The following DLGAP2 variants were observed in gnomAD, a reference collection of about 807,000 sequenced individuals.
DLGAP2 encodes the protein disks large-associated protein 2.
Under a neutral mutation model 100.3 loss-of-function variants are expected in DLGAP2, and 26 were observed. That is an observed-to-expected ratio of 0.26 (90% CI 0.19 to 0.36). DLGAP2 has a LOEUF of 0.36. Ranked by LOEUF, DLGAP2 falls within the 10% of genes least tolerant of loss-of-function variation. DLGAP2 has a pLI of 1.00. For missense variants in DLGAP2, 1,858 were observed against 1,453.2 expected (o/e 1.28, Z -4.53); for synonymous variants, 886 against 630.1 (o/e 1.41, Z -6.08).
rs1276960963 is a variant in DLGAP2, at chr8:1,678,316, T to G, written c.2391T>G (p.Leu797=). The G allele has an allele frequency of 7.4e-6, 12 of 1,613,922 alleles. No homozygotes were observed. Among genetic ancestry groups the G allele is most frequent in the Non-Finnish European group, 1.0e-5 (12 of 1,179,874 alleles). Residue 797 remains leucine, a synonymous_variant, in exon 12 of 15, where the codon CTT becomes CTG. Coordinates refer to ENST00000637795, the MANE Select transcript of DLGAP2 (RefSeq NM_001346810.2). ...ACATCACCACGGAGGACAAAGGCCT[T>G]CAGTTCGGCTCATCCTTCCAGCGGC... ...PGHITTEDKG[L]QFGSSFQRHS...
intron 2 of DLGAP2, among the ~76,000 whole-genome samples, chr8:1,242,151 A>G (rs556118771): frequency 6.6e-6 from 1 of 152,346 alleles, no homozygotes; most frequent in African/African-American, 2.4e-5. Context: ...TAAACAACAG[A>G]ACATTAATTA....
intron 3 of DLGAP2, among the ~76,000 whole-genome samples, chr8:1,287,884 TGTG>T (rs1799976300): frequency 8.5e-6 from 1 of 118,178 alleles, no homozygotes; most frequent in African/African-American, 3.6e-5. Flanking sequence ...TGGTTCAGCA[TGTG>T]TGTGTGTGTG....
chr8:1,348,407 T>A (rs1448129949), intron 3 of DLGAP2, among the ~76,000 whole-genome samples: 1 of 140,028 alleles, frequency 7.1e-6, no homozygotes, highest in Non-Finnish European at 1.5e-5. Context: ...GCTGCGCTGC[T>A]CTCATGGTAA....
intron 3 of DLGAP2, among the ~76,000 whole-genome samples, chr8:1,440,330 G>A (rs1019080430): frequency 2.0e-5 from 3 of 152,146 alleles, no homozygotes; most frequent in African/African-American, 4.8e-5. Context: ...GACTCACGTG[G>A]GAAATGGAGT....
chr8:1,591,064 G>A (rs1445341555), intron 6 of DLGAP2, among the ~76,000 whole-genome samples: 1 of 152,180 alleles, frequency 6.6e-6, no homozygotes, highest in Admixed American at 6.5e-5. Flanking sequence ...CCGTGCTCGG[G>A]ACCCAACCCC....
intron 2 of DLGAP2, among the ~76,000 whole-genome samples, chr8:1,139,327 C>G (rs1334524618): frequency 2.0e-5 from 3 of 152,234 alleles, no homozygotes; most frequent in Non-Finnish European, 2.9e-5. Flanking sequence ...TGCAGGGATG[C>G]AATACCATAG....
chr8:1,021,948 C>T (rs1293111585), intron 2 of DLGAP2, among the ~76,000 whole-genome samples: 2 of 152,130 alleles, frequency 1.3e-5, no homozygotes, highest in Admixed American at 1.3e-4. Flanking sequence ...ATGTTAGCGC[C>T]AGTATTAGGA....
chr8:1,266,783 C>T (rs752200260), intron 3 of DLGAP2, among the ~76,000 whole-genome samples: 2 of 151,978 alleles, frequency 1.3e-5, no homozygotes, highest in Non-Finnish European at 2.9e-5. Flanking sequence ...GTTTTATGAA[C>T]AAAGAGAAAG....
intron 3 of DLGAP2, among the ~76,000 whole-genome samples, chr8:1,360,122 A>G (rs1312177582): frequency 6.6e-6 from 1 of 151,132 alleles, no homozygotes; most frequent in Non-Finnish European, 1.5e-5. Flanking sequence ...AGCGGGTTGC[A>G]GGGACTTGCC....
intron 2 of DLGAP2, among the ~76,000 whole-genome samples, chr8:1,205,867 G>T (rs1797978580): frequency 6.6e-6 from 1 of 152,152 alleles, no homozygotes; most frequent in African/African-American, 2.4e-5. Context: ...CAAAAATAAA[G>T]GGCAGCCAAG....
intron 2 of DLGAP2, among the ~76,000 whole-genome samples, chr8:1,028,407 G>T (rs1033760196): frequency 6.8e-6 from 1 of 147,270 alleles, no homozygotes; most frequent in Non-Finnish European, 1.5e-5. Context: ...GGTGTCAGGC[G>T]CCCCTTATTC....
rs1343435124 is a variant in DLGAP2 at position 1,491,354 on chromosome 8, CGCTCCCCCTGACCCCGGAGGCTTCGGGCT to C, written c.107-9998_107-9970del. 9.9e-5 allele frequency among the ~76,000 whole-genome samples: 15 copies of C among 152,212 alleles called. No individual in the cohort carries two copies. In the East Asian group the frequency reaches 2.7e-3, roughly 27 times the overall value. On this transcript the variant is annotated intron_variant, in intron 3 of 14. Transcript: ENST00000637795. ...GCTCCTGACCCCGGAGGCTTCGGGC[CGCTCCCCCTGACCCCGGAGGCTTCGGGCT>C]GCTCCCCCTGACCTCGGAGGCTTCC...
intron 2 of DLGAP2, among the ~76,000 whole-genome samples, chr8:962,385 G>C (rs980598647): frequency 1.3e-5 from 2 of 152,190 alleles, no homozygotes; most frequent in Non-Finnish European, 2.9e-5. Flanking sequence ...TGTTCTGCCT[G>C]ATCTTGGGTC....
At chr8:1,364,060 C>G (rs1238336399) in intron 3 of DLGAP2, among the ~76,000 whole-genome samples, 1 of 152,216 alleles carries the variant, frequency 6.6e-6, no homozygotes, top group Non-Finnish European at 1.5e-5. Flanking sequence ...GTCTTCCTCA[C>G]TCCTGCCGCC....
intron 1 of DLGAP2, among the ~76,000 whole-genome samples, chr8:807,612 T>C (rs9314631): frequency 0.06 from 6,125 of 101,526 alleles, 244 homozygotes; most frequent in African/African-American, 0.11. Flanking sequence ...CTCATTCATA[T>C]GTTCTCTCTC....
At chr8:1,260,367 T>C (rs1286549283) in intron 3 of DLGAP2, among the ~76,000 whole-genome samples, 2 of 152,042 alleles carry the variant, frequency 1.3e-5, no homozygotes, top group African/African-American at 4.8e-5. Flanking sequence ...TTGTAAATAG[T>C]GGTTTAAACA....
chr8:1,180,667 C>G (rs1473595917), intron 2 of DLGAP2, among the ~76,000 whole-genome samples: 3 of 149,302 alleles, frequency 2.0e-5, no homozygotes, highest in African/African-American at 7.4e-5. Flanking sequence ...TTACCGTCGA[C>G]TGGGTGTGCC....
chr8:975,652 C>T (rs561530535), intron 2 of DLGAP2, among the ~76,000 whole-genome samples: 9 of 152,150 alleles, frequency 5.9e-5, no homozygotes, highest in Non-Finnish European at 1.0e-4. Context: ...GTCTATAGTA[C>T]AGCAAAAGCA....
intron 1 of DLGAP2, chr8:739,444 C>T (rs971197974): frequency 5.3e-5 from 8 of 152,252 alleles, no homozygotes; most frequent in African/African-American, 1.9e-4. Context: ...AGGAGCCTTC[C>T]CCCGGGTCGC....
Sources: gnomAD v4.1 joint callset for allele counts (sites outside exome capture counted in the v4.1 genomes callset) on GRCh38, gnomAD v4.1.1 for gene constraint, MANE v1.5 for transcripts, NCBI Gene and HGNC (gene_info 2026-07-23, HGNC 2026-07-21) for gene names.